Variants in WDR75 observed in about 807,000 individuals in gnomAD.
The protein encoded by WDR75 is WD repeat-containing protein 75.
WDR75 carries 52 observed loss-of-function variants against 106.1 expected under a neutral mutation model. The ratio of observed to expected loss-of-function variants is 0.49; its 90% CI spans 0.39 to 0.62. The LOEUF is 0.62. Ranked by LOEUF, WDR75 falls within the 20% of genes least tolerant of loss-of-function variation. The pLI, the probability that WDR75 is intolerant of heterozygous loss-of-function variation, is 0.00. For missense variants in WDR75, 905 were observed against 970.3 expected (o/e 0.93, Z 0.89); for synonymous variants, 333 against 335.5 (o/e 0.99, Z 0.08).
intron 1 of WDR75, among the ~76,000 whole-genome samples, chr2:189,446,327 G>T (rs1304243952): frequency 3.3e-5 from 5 of 152,282 alleles, no homozygotes; most frequent in Middle Eastern, 3.4e-3. Context: ...CTGCATTGAA[G>T]GACTGTACCT....
Position 189,472,766 on chromosome 2 carries a change from AT to A in WDR75, c.2050-1418del, listed in dbSNP as rs532073285. ...TGAGACAGTCTCAAATGTCATTACAATTGACCCTTGAACAATGTAGAGATTG... is the reference window on the plus strand; with the variant it reads ...TGAGACAGTCTCAAATGTCATTACAATGACCCTTGAACAATGTAGAGATTG... On this transcript the variant is annotated intron_variant, in intron 18 of 20. Coordinates refer to ENST00000314761, the MANE Select transcript of WDR75 (RefSeq NM_032168.3). Among the ~76,000 whole-genome samples the A allele has an allele frequency of 9.2e-4, 140 of 152,326 alleles. 1 individual carries two copies. The highest frequency in any genetic ancestry group is 3.2e-3 in the African/African-American group (131 of 41,578).
chr2:189,469,419 A>G lies in WDR75; in HGVS notation c.1799A>G (p.Gln600Arg). Residue 600 changes from glutamine (Q) to arginine (R), a missense_variant, in exon 16 of 21, where the codon CAG becomes CGG. Physicochemically the swap from Gln to Arg is conservative, Grantham distance 43. Transcript: ENST00000314761. Reference sequence around the variant, plus strand: ...TCAGAGAATATTGCTGCAATCTCTCAGTCTTCAGTGGGTTCAGACTGTAAG... The same window carrying G: ...TCAGAGAATATTGCTGCAATCTCTCGGTCTTCAGTGGGTTCAGACTGTAAG... ...PNSENIAAIS[Q>R]SSVGSDLFVF... 2.5e-6 allele frequency: 4 copies of G among 1,613,296 alleles called. No homozygotes were observed. The highest frequency in any genetic ancestry group is 3.4e-6 in the Non-Finnish European group (4 of 1,179,340).
At chr2:189,469,657 C>T (rs913119297) in intron 16 of WDR75, among the ~76,000 whole-genome samples, 7 of 152,106 alleles carry the variant, frequency 4.6e-5, no homozygotes, top group Non-Finnish European at 1.0e-4. Context: ...CAAGCCAATT[C>T]GTACTCAATC....
intron 8 of WDR75, among the ~76,000 whole-genome samples, chr2:189,460,535 C>A (rs114517508): frequency 0.065 from 9,819 of 151,126 alleles, 494 homozygotes; most frequent in African/African-American, 0.14. Flanking sequence ...GACAAGGTCT[C>A]ACTTTGTTAC....
chr2:189,467,750 A>G (rs1687032620), intron 14 of WDR75, 102 bp downstream of exon 14: 2 of 1,121,606 alleles, frequency 1.8e-6, no homozygotes, highest in South Asian at 5.0e-5. Flanking sequence ...AGTAGCCTGA[A>G]GGTCAGTGGG....
At chr2:189,443,244 A>G (rs1686425449) in intron 1 of WDR75, among the ~76,000 whole-genome samples, 1 of 152,236 alleles carries the variant, frequency 6.6e-6, no homozygotes, top group South Asian at 2.1e-4. Context: ...TTGCTGAGCA[A>G]ATGACATTTG....
At chr2:189,453,988 CCA>C (rs895098005) in intron 4 of WDR75, among the ~76,000 whole-genome samples, 1 of 152,028 alleles carries the variant, frequency 6.6e-6, no homozygotes, top group African/African-American at 2.4e-5. Flanking sequence ...AATTGAGCAC[CCA>C]CCGTGTGCTA....
chr2:189,464,721 C>T (rs16831454), intron 11 of WDR75, among the ~76,000 whole-genome samples: 121,309 of 151,424 alleles, frequency 0.8, 50,046 homozygotes, highest in Non-Finnish European at 0.91. Flanking sequence ...TTTCTGTTGA[C>T]AGAGAATCTA....
intron 5 of WDR75, among the ~76,000 whole-genome samples, chr2:189,456,416 A>G (rs1686737438): frequency 6.6e-6 from 1 of 152,130 alleles, no homozygotes; most frequent in African/African-American, 2.4e-5. Flanking sequence ...TGTGATATGC[A>G]TACAATGGAG....
At chr2:189,454,059 G>T (rs996331816) in intron 4 of WDR75, among the ~76,000 whole-genome samples, 4 of 152,144 alleles carry the variant, frequency 2.6e-5, no homozygotes, top group South Asian at 2.1e-4. Context: ...AAACTGACTG[G>T]ATTAGTTAAT....
At chr2:189,449,909 C>T in intron 2 of WDR75, 1 of 983,700 alleles carries the variant, frequency 1.0e-6, no homozygotes, top group South Asian at 4.7e-5. Context: ...TATTAAAATT[C>T]TTTGTAAACA....
chr2:189,462,260 G>A (rs934370119), intron 8 of WDR75, among the ~76,000 whole-genome samples: 24 of 152,150 alleles, frequency 1.6e-4, no homozygotes, highest in African/African-American at 5.3e-4. Context: ...TGTCAACAGA[G>A]GAGTTGGTCA....
chr2:189,460,366 T>C (rs1295600337), intron 8 of WDR75, among the ~76,000 whole-genome samples: 1 of 152,164 alleles, frequency 6.6e-6, no homozygotes, highest in Non-Finnish European at 1.5e-5. Flanking sequence ...AACCCGATTA[T>C]GGTTTGGGGA....
At chr2:189,471,383 G>A (rs1369380394) in intron 18 of WDR75, among the ~76,000 whole-genome samples, 1 of 152,134 alleles carries the variant, frequency 6.6e-6, no homozygotes, top group Admixed American at 6.5e-5. Flanking sequence ...CCCCATATGG[G>A]TAAATGTTAA....
chr2:189,447,173 A>T (rs1217868817), intron 1 of WDR75, among the ~76,000 whole-genome samples: 1 of 152,246 alleles, frequency 6.6e-6, no homozygotes, highest in Non-Finnish European at 1.5e-5. Context: ...GAGTACTGCT[A>T]TGAATATAAT....
intron 12 of WDR75, 91 bp downstream of exon 12, chr2:189,465,345 T>C: frequency 1.5e-6 from 2 of 1,344,470 alleles, no homozygotes; most frequent in African/African-American, 1.5e-5. Flanking sequence ...ATGTTTCATC[T>C]TGACAAGGTT....
chr2:189,449,279 G>T, intron 2 of WDR75: 6 of 1,303,456 alleles, frequency 4.6e-6, no homozygotes, highest in Non-Finnish European at 6.1e-6. Context: ...ATTAAGGATG[G>T]ATTTGCATTG....
At chr2:189,451,732 C>G in intron 3 of WDR75, 73 bp from the exon 4 acceptor site, 3 of 1,362,868 alleles carry the variant, frequency 2.2e-6, no homozygotes, top group Non-Finnish European at 3.1e-6. Context: ...ACATAAAAAC[C>G]CCTGCCTTGA....
At chr2:189,469,855 A>G (rs1687082122) in intron 16 of WDR75, among the ~76,000 whole-genome samples, 4 of 152,084 alleles carry the variant, frequency 2.6e-5, no homozygotes. Context: ...CTGGAGCACG[A>G]ATTCTTCTTT....
Sources: gnomAD v4.1 joint callset for allele counts (sites outside exome capture counted in the v4.1 genomes callset) on GRCh38, gnomAD v4.1.1 for gene constraint, MANE v1.5 for transcripts, NCBI Gene and HGNC (gene_info 2026-07-23, HGNC 2026-07-21) for gene names.